DPP10: variants seen among roughly 807,000 people sequenced by gnomAD.
The protein encoded by DPP10 is inactive dipeptidyl peptidase 10.
In DPP10, 33 loss-of-function variants were observed where a neutral mutation model predicts 120.9. The observed-to-expected ratio is 0.27, with a 90% CI of 0.21 to 0.37. The LOEUF (loss-of-function observed/expected upper bound fraction) is 0.37, where lower values mean the gene tolerates loss of function less well. Ranked by LOEUF, DPP10 falls within the 10% of genes least tolerant of loss-of-function variation. The pLI, the probability that DPP10 is intolerant of heterozygous loss-of-function variation, is 1.00. For missense variants in DPP10, 816 were observed against 942.8 expected (o/e 0.87, Z 1.76); for synonymous variants, 337 against 326.1 (o/e 1.03, Z -0.36).
At chr2:114,465,958 C>T (rs189270111) in intron 1 of DPP10, among the ~76,000 whole-genome samples, 5 of 152,266 alleles carry the variant, frequency 3.3e-5, no homozygotes, top group Admixed American at 2.0e-4. Context: ...TCTAGCTGTG[C>T]GTTGTGTTGT....
intron 1 of DPP10, among the ~76,000 whole-genome samples, chr2:115,169,674 C>T (rs890627490): frequency 3.3e-5 from 5 of 152,068 alleles, no homozygotes; most frequent in South Asian, 2.1e-4. Flanking sequence ...TCTTTGCATA[C>T]GGGAACAGGT....
intron 5 of DPP10, among the ~76,000 whole-genome samples, chr2:115,590,021 G>T (rs183749903): frequency 4.0e-5 from 6 of 151,358 alleles, no homozygotes; most frequent in African/African-American, 1.5e-4. Flanking sequence ...TTATCTCCCT[G>T]CTTTTTGTTT....
At chr2:114,744,805 A>G (rs1049145294) in intron 1 of DPP10, among the ~76,000 whole-genome samples, 1 of 151,916 alleles carries the variant, frequency 6.6e-6, no homozygotes, top group Non-Finnish European at 1.5e-5. Context: ...TCTGTCGCCC[A>G]AGCTGGAGTG....
At chr2:114,889,778 T>A (rs908230857) in intron 1 of DPP10, among the ~76,000 whole-genome samples, 10 of 152,208 alleles carry the variant, frequency 6.6e-5, no homozygotes, top group Admixed American at 5.9e-4. Context: ...ATCTAGAAAT[T>A]TGACAGATGA....
intron 1 of DPP10, among the ~76,000 whole-genome samples, chr2:114,753,838 G>T (rs1341371903): frequency 6.7e-6 from 1 of 150,178 alleles, no homozygotes; most frequent in Non-Finnish European, 1.5e-5. Flanking sequence ...GAACCCGGGA[G>T]GGGGAGCTTG....
At chr2:114,760,754 TTAAGA>T (rs1439995851) in intron 1 of DPP10, among the ~76,000 whole-genome samples, 1 of 152,066 alleles carries the variant, frequency 6.6e-6, no homozygotes, top group Non-Finnish European at 1.5e-5. Context: ...TTTTATATCA[TTAAGA>T]TGAGTGAAAT....
chr2:115,165,037 A>G (rs765539205), intron 1 of DPP10, among the ~76,000 whole-genome samples: 1 of 152,248 alleles, frequency 6.6e-6, no homozygotes, highest in Non-Finnish European at 1.5e-5. Context: ...ATGCCTTGAC[A>G]TGACTAGACA....
chr2:115,548,914 GA>G (rs1215366085), intron 5 of DPP10, among the ~76,000 whole-genome samples: 1 of 152,072 alleles, frequency 6.6e-6, no homozygotes, highest in Non-Finnish European at 1.5e-5. Context: ...ATGTTCTCTT[GA>G]TTCTTCTATT....
chr2:115,144,818 T>G lies in DPP10; in HGVS notation c.61-164421T>G, dbSNP rs867807218. Reference sequence around the variant, plus strand: ...TACCCTAAAACTTAAAGTATAATAATAAAAAAATAAAATAAAATAAAATAA... The same window carrying G: ...TACCCTAAAACTTAAAGTATAATAAGAAAAAAATAAAATAAAATAAAATAA... On this transcript the variant is annotated intron_variant, in intron 1 of 25. Transcript: ENST00000410059. The G allele has an allele frequency of 7.5e-4, 114 of 151,712 alleles. 1 individual carries two copies. The highest frequency in any genetic ancestry group is 2.7e-3 in the African/African-American group (112 of 41,426). The allele number at this position is 151,712 out of a possible 1,614,324, so 9.4% of individuals were successfully genotyped here.
At chr2:114,728,303 T>C (rs1676548192) in intron 1 of DPP10, among the ~76,000 whole-genome samples, 1 of 152,178 alleles carries the variant, frequency 6.6e-6, no homozygotes, top group African/African-American at 2.4e-5. Context: ...CTGCTTATTC[T>C]TCTAACCTGG....
Position 114,794,058 on chromosome 2 carries a change from CT to C in DPP10, c.60+351223del, listed in dbSNP as rs1683476046. Among the ~76,000 whole-genome samples the C allele has an allele frequency of 2.0e-5, 3 of 152,016 alleles. No individual in the cohort carries two copies. The South Asian group carries it at 6.2e-4, about 32-fold the overall frequency. ...TCTGAAACTATTGCTGCATTTCTGTCTTTGAGCATGACTTTTTTTTACCTGA... is the reference window on the plus strand; with the variant it reads ...TCTGAAACTATTGCTGCATTTCTGTCTTGAGCATGACTTTTTTTTACCTGA... On this transcript the variant is annotated intron_variant, in intron 1 of 25. Transcript: ENST00000410059.
At chr2:114,705,436 T>C (rs1197728399) in intron 1 of DPP10, among the ~76,000 whole-genome samples, 3 of 152,154 alleles carry the variant, frequency 2.0e-5, no homozygotes, top group Non-Finnish European at 4.4e-5. Flanking sequence ...ATTATGTATA[T>C]ATACATAAGA....
chr2:115,719,006 C>T (rs1474597472), intron 7 of DPP10, among the ~76,000 whole-genome samples: 1 of 152,042 alleles, frequency 6.6e-6, no homozygotes, highest in East Asian at 1.9e-4. Context: ...CAGTTTATTT[C>T]TCGGGGCCTG....
chr2:115,441,682 G>C (rs1339376319), intron 3 of DPP10, among the ~76,000 whole-genome samples: 2 of 152,048 alleles, frequency 1.3e-5, no homozygotes, highest in Non-Finnish European at 2.9e-5. Flanking sequence ...CAAATCACAT[G>C]GTTGGAATAA....
At chr2:114,671,485 T>C (rs557829346) in intron 1 of DPP10, among the ~76,000 whole-genome samples, 3 of 152,292 alleles carry the variant, frequency 2.0e-5, no homozygotes, top group East Asian at 1.9e-4. Flanking sequence ...CTATGCTTCA[T>C]GTACAACCTG....
chr2:114,745,573 C>A (rs1223197673), intron 1 of DPP10, among the ~76,000 whole-genome samples: 2 of 152,018 alleles, frequency 1.3e-5, no homozygotes, highest in Non-Finnish European at 2.9e-5. Context: ...TTTCCACAAA[C>A]AAATATCCAT....
intron 1 of DPP10, among the ~76,000 whole-genome samples, chr2:115,283,688 A>T (rs915395431): frequency 1.3e-5 from 2 of 152,044 alleles, no homozygotes; most frequent in Admixed American, 1.3e-4. Flanking sequence ...TCATTCTGGC[A>T]ATCTTTAAAA....
intron 11 of DPP10, among the ~76,000 whole-genome samples, chr2:115,761,398 C>T (rs190819503): frequency 2.0e-5 from 3 of 152,098 alleles, no homozygotes; most frequent in Admixed American, 1.3e-4. Context: ...ATCCAGTAAT[C>T]CTATCATACT....
chr2:115,239,091 G>GC (rs532939318), intron 1 of DPP10, among the ~76,000 whole-genome samples: 163 of 151,552 alleles, frequency 1.1e-3, no homozygotes, highest in Middle Eastern at 3.4e-3. Flanking sequence ...ATTAGATGGT[G>GC]CCCCCCCCAG....
Sources: allele counts gnomAD v4.1 joint callset (sites outside exome capture counted in the v4.1 genomes callset), GRCh38; gene constraint gnomAD v4.1.1; transcripts MANE v1.5; gene names NCBI Gene and HGNC (gene_info 2026-07-23, HGNC 2026-07-21).